Variants in EBF2 observed in about 807,000 individuals in gnomAD.
EBF2 encodes transcription factor COE2.
EBF2 carries 21 observed loss-of-function variants against 72.8 expected under a neutral mutation model. The observed-to-expected ratio is 0.29, with a 90% CI of 0.20 to 0.42. The LOEUF is 0.42. EBF2 is among the 10% of genes least tolerant of loss of function. The pLI, the probability that EBF2 is intolerant of heterozygous loss-of-function variation, is 1.00. For missense variants in EBF2, 637 were observed against 731.2 expected, an observed-to-expected ratio of 0.87 and a Z score of 1.49; for synonymous variants, 299 against 274.2, an observed-to-expected ratio of 1.09 and a Z score of -0.89.
chr8:25,998,428 A>C (rs1019093589), intron 6 of EBF2, among the ~76,000 whole-genome samples: 3 of 152,114 alleles, frequency 2.0e-5, no homozygotes, highest in Non-Finnish European at 4.4e-5. Context: ...GGAATGTCCA[A>C]CTCTGAAAGG....
In EBF2 at chr8:25,841,912, A is replaced by C. The variant is rs1387710458; in HGVS notation, c.*2697T>G. The C allele has an allele frequency of 6.6e-6, 1 of 152,230 alleles. No individual in the cohort carries two copies. The highest frequency in any genetic ancestry group is 2.4e-5 in the African/African-American group (1 of 41,466). The allele number at this position is 152,230 out of a possible 1,614,324, so 9.4% of individuals were successfully genotyped here. ...TACTGTATATAACTGACAAAGCAAAACAATAAAATGAAACTATACAGTGTG... is the reference window on the plus strand; with the variant it reads ...TACTGTATATAACTGACAAAGCAAACCAATAAAATGAAACTATACAGTGTG... On this transcript the variant is annotated 3_prime_UTR_variant, in exon 16 of 16. Coordinates refer to ENST00000520164, the MANE Select transcript of EBF2 (RefSeq NM_022659.4).
At chr8:25,908,851 A>T (rs532807548) in intron 6 of EBF2, among the ~76,000 whole-genome samples, 78 of 151,918 alleles carry the variant, frequency 5.1e-4, no homozygotes, top group South Asian at 4.2e-4. Flanking sequence ...GTTCTGGAAA[A>T]TTTTTTTAAA....
At chr8:25,971,751 T>C (rs1011385764) in intron 6 of EBF2, among the ~76,000 whole-genome samples, 6 of 152,200 alleles carry the variant, frequency 3.9e-5, no homozygotes, top group Non-Finnish European at 7.3e-5. Context: ...TTCCTCGAGC[T>C]AAGCCTGCTG....
chr8:25,982,045 C>T (rs575175716), intron 6 of EBF2, among the ~76,000 whole-genome samples: 39 of 152,202 alleles, frequency 2.6e-4, no homozygotes, highest in African/African-American at 8.7e-4. Flanking sequence ...GCATTTGTCA[C>T]GGAGGGAGGT....
rs147125823 is a variant in EBF2, at chr8:25,968,149, C to T, written c.552-59594G>A. ...AGGACACTTCACAGCTACTTAATCT[C>T]GGTGAATCATGATCGAGCAATTCCA... On this transcript the variant is annotated intron_variant, in intron 6 of 15. Coordinates refer to ENST00000520164, the MANE Select transcript of EBF2 (RefSeq NM_022659.4). Among the ~76,000 whole-genome samples, 5 of 152,104 alleles carry T rather than the reference C, an allele frequency of 3.3e-5. No individual in the cohort carries two copies. The East Asian group carries it at 7.7e-4, about 24-fold the overall frequency.
intron 10 of EBF2, among the ~76,000 whole-genome samples, chr8:25,883,996 G>C (rs1802646418): frequency 6.6e-6 from 1 of 152,068 alleles, no homozygotes; most frequent in South Asian, 2.1e-4. Flanking sequence ...CACCATATTT[G>C]GACTTCTCCA....
At chr8:26,016,082 T>C (rs1033459530) in intron 6 of EBF2, among the ~76,000 whole-genome samples, 7 of 152,240 alleles carry the variant, frequency 4.6e-5, no homozygotes, top group Non-Finnish European at 2.9e-5. Flanking sequence ...CTACCAGTAG[T>C]TCAGAGGTCT....
intron 6 of EBF2, among the ~76,000 whole-genome samples, chr8:25,999,903 A>G (rs779220356): frequency 1.1e-4 from 16 of 152,104 alleles, no homozygotes; most frequent in African/African-American, 1.7e-4. Context: ...TTGGACCAAG[A>G]CATCAAAAGT....
At chr8:26,012,026 C>A (rs1189966086) in intron 6 of EBF2, among the ~76,000 whole-genome samples, 1 of 152,110 alleles carries the variant, frequency 6.6e-6, no homozygotes, top group African/African-American at 2.4e-5. Flanking sequence ...AGAGAAACTT[C>A]TTCACCTTAG....
intron 6 of EBF2, among the ~76,000 whole-genome samples, chr8:25,940,621 T>TA (rs33914806): frequency 6.8e-5 from 10 of 147,476 alleles, no homozygotes; most frequent in African/African-American, 2.1e-4. Context: ...ATGAAAAAAT[T>TA]AAAAAAAAAA....
In EBF2 at chr8:25,976,273, C is replaced by T. The variant is rs557878565; in HGVS notation, c.551+56812G>A. On this transcript the variant is annotated intron_variant, in intron 6 of 15. Transcript: ENST00000520164. ...ACCACTTGCAGTCTTTTTCCATGTT[C>T]TTTCACATGCTGTAATGGAGATCCG... is the stretch of plus-strand genomic sequence containing the variant. Among the ~76,000 whole-genome samples, 264 of 152,266 alleles carry T rather than the reference C, an allele frequency of 1.7e-3. 1 individual carries two copies. The highest frequency in any genetic ancestry group is 0.01 in the South Asian group (49 of 4,826).
chr8:26,029,491 C>T (rs1018192850), intron 6 of EBF2, among the ~76,000 whole-genome samples: 1 of 152,166 alleles, frequency 6.6e-6, no homozygotes, highest in Non-Finnish European at 1.5e-5. Flanking sequence ...ACCCTGTGTT[C>T]ACCAAGGAAG....
intron 6 of EBF2, among the ~76,000 whole-genome samples, chr8:25,937,607 A>T (rs1369623503): frequency 6.6e-6 from 1 of 152,064 alleles, no homozygotes; most frequent in African/African-American, 2.4e-5. Context: ...TCCTCATTTG[A>T]CTACACTGGT....
rs76059879 is a variant in EBF2, at chr8:25,895,878, G to A, written c.634-6009C>T. Among the ~76,000 whole-genome samples, 982 of 152,030 alleles carry A rather than the reference G, an allele frequency of 6.5e-3. 6 individuals carry two copies. Among genetic ancestry groups the A allele is most frequent in the East Asian group, 0.022 (115 of 5,172 alleles). On this transcript the variant is annotated intron_variant, in intron 7 of 15. Transcript: ENST00000520164. ...TTCCTACCCTTTGGTTATTTTTATA[G>A]CCCTTCTCTAAAATGTCCTTGGCTT...
intron 6 of EBF2, among the ~76,000 whole-genome samples, chr8:25,920,480 G>A (rs73677431): frequency 9.5e-4 from 145 of 152,310 alleles, no homozygotes; most frequent in African/African-American, 3.2e-3. Flanking sequence ...TTTTGCTGAA[G>A]TTGGGTTTGG....
At chr8:25,947,976 T>C (rs1803799548) in intron 6 of EBF2, among the ~76,000 whole-genome samples, 1 of 152,230 alleles carries the variant, frequency 6.6e-6, no homozygotes, top group Admixed American at 6.5e-5. Flanking sequence ...ACTTTATCCC[T>C]GGAGCAGGGT....
chr8:25,983,061 C>G (rs1159492138), intron 6 of EBF2, among the ~76,000 whole-genome samples: 1 of 152,068 alleles, frequency 6.6e-6, no homozygotes, highest in Non-Finnish European at 1.5e-5. Flanking sequence ...CCAGTGGAAC[C>G]AGGAATCACA....
At chr8:26,005,282 TA>T (rs1279817916) in intron 6 of EBF2, among the ~76,000 whole-genome samples, 174 of 606 alleles carry the variant, frequency 0.29, 24 homozygotes, top group South Asian at 0.5. Flanking sequence ...TATATAATTA[TA>T]TAATTATATA....
chr8:26,015,360 T>C (rs1292668263), intron 6 of EBF2, among the ~76,000 whole-genome samples: 1 of 152,214 alleles, frequency 6.6e-6, no homozygotes, highest in Non-Finnish European at 1.5e-5. Flanking sequence ...AATCCTCCTC[T>C]TCCCTGCCAC....
Sources: gnomAD v4.1 joint callset for allele counts (sites outside exome capture counted in the v4.1 genomes callset) on GRCh38, gnomAD v4.1.1 for gene constraint, MANE v1.5 for transcripts, NCBI Gene and HGNC (gene_info 2026-07-23, HGNC 2026-07-21) for gene names.